INPP5A: variants seen among roughly 807,000 people sequenced by gnomAD.
INPP5A encodes the protein 43 kDa inositol polyphosphate 5-phophatase.
INPP5A carries 14 observed loss-of-function variants against 65.2 expected under a neutral mutation model. The observed-to-expected ratio is 0.21, with a 90% CI of 0.14 to 0.34. INPP5A has a LOEUF of 0.34. INPP5A is among the 10% of genes least tolerant of loss of function. The pLI, the probability that INPP5A is intolerant of heterozygous loss-of-function variation, is 1.00. For synonymous variants in INPP5A, 207 were observed against 208.3 expected, an observed-to-expected ratio of 0.99 and a Z score of 0.05; for missense variants, 431 against 545.6, an observed-to-expected ratio of 0.79 and a Z score of 2.09.
chr10:132,591,884 CTG>C (rs1180028044), intron 1 of INPP5A, among the ~76,000 whole-genome samples: 1 of 152,178 alleles, frequency 6.6e-6, no homozygotes, highest in African/African-American at 2.4e-5. Context: ...GGCGCCCTTG[CTG>C]TGTTTCCTTG....
At chr10:132,612,918 C>G (rs1218024184) in intron 2 of INPP5A, among the ~76,000 whole-genome samples, 3 of 152,150 alleles carry the variant, frequency 2.0e-5, no homozygotes, top group African/African-American at 7.2e-5. Context: ...CTGCTCTGTC[C>G]CATGGAGCAG....
Position 132,546,339 on chromosome 10 carries a change from G to T in INPP5A, c.75+8168G>T, listed in dbSNP as rs2133246889. Among the ~76,000 whole-genome samples the T allele has an allele frequency of 6.6e-6, 1 of 152,236 alleles. No individual in the cohort carries two copies. Among genetic ancestry groups the T allele is most frequent in the African/African-American group, 2.4e-5 (1 of 41,534 alleles). On this transcript the variant is annotated intron_variant, in intron 1 of 15. Coordinates refer to ENST00000368594, the MANE Select transcript of INPP5A (RefSeq NM_005539.5). The surrounding 1 kb of genome is among the most constrained non-coding windows in gnomAD (Gnocchi z 5.7). ...CCAGGTTCAGAAGATGCCGCTTCTG[G>T]TTTTTCCCCGTTGTGAGTGAGAACA...
intron 1 of INPP5A, among the ~76,000 whole-genome samples, chr10:132,540,440 G>A (rs1410057535): frequency 6.6e-6 from 1 of 152,228 alleles, no homozygotes; most frequent in Non-Finnish European, 1.5e-5. Context: ...ATTCTGAAAG[G>A]TGCATTGTGA....
intron 13 of INPP5A, among the ~76,000 whole-genome samples, chr10:132,778,487 A>G (rs1197627613): frequency 6.6e-6 from 1 of 151,948 alleles, no homozygotes; most frequent in African/African-American, 2.4e-5. Context: ...CAATTCCCAC[A>G]TTTTAACATA....
intron 11 of INPP5A, 80 bp downstream of exon 11, chr10:132,749,925 C>T (rs909171155): frequency 5.7e-6 from 7 of 1,221,750 alleles, no homozygotes; most frequent in Non-Finnish European, 8.5e-6. Context: ...CTCTGCTTAC[C>T]TGGGACCACC....
chr10:132,624,624 G>T (rs1449040877), intron 2 of INPP5A, among the ~76,000 whole-genome samples: 1 of 152,292 alleles, frequency 6.6e-6, no homozygotes, highest in African/African-American at 2.4e-5. Context: ...CACCTGTTTG[G>T]TGCCTGGCAT....
chr10:132,627,903 G>A lies in INPP5A; in HGVS notation c.118-17965G>A, dbSNP rs984470262. On this transcript the variant is annotated intron_variant, in intron 2 of 15. Coordinates refer to ENST00000368594, the MANE Select transcript of INPP5A (RefSeq NM_005539.5). This position sits in a 1 kb window ranked among gnomAD's most constrained non-coding sequence, Gnocchi z 6.6. ...GGGGAGGTGCCCAGGCTGGAGTGGC[G>A]GCGTCGGGTGTGGAGAGAAACTGGA... Among the ~76,000 whole-genome samples, 4 of 152,126 alleles carry A rather than the reference G, an allele frequency of 2.6e-5. No homozygotes were observed. The highest frequency in any genetic ancestry group is 1.9e-4 in the East Asian group (1 of 5,180).
chr10:132,632,249 C>T (rs2072285578), intron 2 of INPP5A, among the ~76,000 whole-genome samples: 1 of 152,240 alleles, frequency 6.6e-6, no homozygotes. Context: ...TGCAGAGGCT[C>T]CCAGGCCAGC....
rs1459389744 is a variant in INPP5A at position 132,674,675 on chromosome 10, A to G, written c.307-15717A>G. The stretch of plus-strand genomic sequence containing the variant: ...ACATACATGCCACTTCCATTTGATG[A>G]TGGAATGCTGCTGTGCATGACCCAC... On this transcript the variant is annotated intron_variant, in intron 4 of 15. Transcript: ENST00000368594. This position sits in a 1 kb window ranked among gnomAD's most constrained non-coding sequence, Gnocchi z 4.4. 6.6e-6 allele frequency among the ~76,000 whole-genome samples: 1 copy of G among 152,156 alleles called. No individual in the cohort carries two copies. The highest frequency in any genetic ancestry group is 2.1e-4 in the South Asian group (1 of 4,830).
chr10:132,625,130 T>C (rs1426059708), intron 2 of INPP5A, among the ~76,000 whole-genome samples: 2 of 89,220 alleles, frequency 2.2e-5, no homozygotes, highest in African/African-American at 8.9e-5. Flanking sequence ...CCCTCCCTCC[T>C]TCCTTCCTTC....
intron 11 of INPP5A, among the ~76,000 whole-genome samples, chr10:132,763,309 G>A (rs1306602893): frequency 1.3e-5 from 2 of 152,200 alleles, no homozygotes; most frequent in African/African-American, 2.4e-5. Context: ...GGCACCTAGC[G>A]CTGGCAGCCT....
intron 4 of INPP5A, among the ~76,000 whole-genome samples, chr10:132,679,191 T>A (rs1430379927): frequency 6.6e-6 from 1 of 152,080 alleles, no homozygotes; most frequent in African/African-American, 2.4e-5. Flanking sequence ...CGTGGAAGGC[T>A]AGAGATGGAC....
At chr10:132,539,763 G>A (rs1387756486) in intron 1 of INPP5A, among the ~76,000 whole-genome samples, 1 of 145,774 alleles carries the variant, frequency 6.9e-6, no homozygotes, top group Admixed American at 6.8e-5. Flanking sequence ...ACTGATGCAC[G>A]CGTGGTTTCC....
intron 4 of INPP5A, among the ~76,000 whole-genome samples, chr10:132,689,734 T>G (rs1427272308): frequency 6.6e-6 from 1 of 152,256 alleles, no homozygotes; most frequent in Non-Finnish European, 1.5e-5. Context: ...AACAAGTAAC[T>G]GTCTGTGTGG....
At chr10:132,683,642 A>C (rs1481282138) in intron 4 of INPP5A, among the ~76,000 whole-genome samples, 2 of 152,252 alleles carry the variant, frequency 1.3e-5, no homozygotes, top group Non-Finnish European at 2.9e-5. Context: ...TTATTATAGC[A>C]TCAATTACAA....
At chr10:132,552,187 CT>C in intron 1 of INPP5A, among the ~76,000 whole-genome samples, 1 of 148,664 alleles carries the variant, frequency 6.7e-6, no homozygotes, top group Non-Finnish European at 1.5e-5. Context: ...TGGTGAATGC[CT>C]TCTCAGAGCC....
chr10:132,740,825 C>T (rs1057373810), intron 9 of INPP5A, among the ~76,000 whole-genome samples: 8 of 152,202 alleles, frequency 5.3e-5, no homozygotes, highest in Non-Finnish European at 1.0e-4. Flanking sequence ...GAGCCACTCG[C>T]AGGGTCCACA....
chr10:132,539,308 T>C (rs1162106851), intron 1 of INPP5A, among the ~76,000 whole-genome samples: 1 of 152,096 alleles, frequency 6.6e-6, no homozygotes, highest in African/African-American at 2.4e-5. Flanking sequence ...CCACTTAGTA[T>C]CTCTTTAGTT....
intron 1 of INPP5A, among the ~76,000 whole-genome samples, chr10:132,569,172 T>C (rs891231758): frequency 6.6e-5 from 10 of 152,174 alleles, no homozygotes; most frequent in African/African-American, 2.4e-4. Context: ...GAGCATCTGA[T>C]TAATTCTCAC....
Sources: gnomAD v4.1 joint callset for allele counts (sites outside exome capture counted in the v4.1 genomes callset) on GRCh38, gnomAD v4.1.1 for gene constraint, Gnocchi (gnomAD v3.1) non-coding constraint, MANE v1.5 for transcripts, NCBI Gene and HGNC (gene_info 2026-07-23, HGNC 2026-07-21) for gene names.